Variants in SUPT3H observed in about 807,000 individuals in gnomAD.
SUPT3H encodes the protein transcription initiation protein SPT3 homolog.
SUPT3H carries 44 observed loss-of-function variants against 44.3 expected under a neutral mutation model. The ratio of observed to expected loss-of-function variants is 0.99; its 90% CI spans 0.78 to 1.28. The LOEUF (loss-of-function observed/expected upper bound fraction) is 1.28, where lower values mean the gene tolerates loss of function less well. SUPT3H is among the 50% of genes most tolerant of loss of function. The pLI is 0.00. For synonymous variants in SUPT3H, 124 were observed against 125.6 expected, an observed-to-expected ratio of 0.99 and a Z score of 0.09; for missense variants, 380 against 387.1, an observed-to-expected ratio of 0.98 and a Z score of 0.15.
At chr6:45,198,184 G>C (rs1267758028) in intron 2 of SUPT3H, among the ~76,000 whole-genome samples, 1 of 150,354 alleles carries the variant, frequency 6.7e-6, no homozygotes, top group Non-Finnish European at 1.5e-5. Context: ...AGCCAGGCAG[G>C]AACAAAAAAA....
intron 3 of SUPT3H, among the ~76,000 whole-genome samples, chr6:45,082,777 A>G (rs1434909364): frequency 1.3e-5 from 2 of 152,226 alleles, no homozygotes; most frequent in African/African-American, 4.8e-5. Flanking sequence ...TAACCAGAGC[A>G]ATCAGGCAGG....
chr6:45,088,732 C>T (rs1796780296), intron 3 of SUPT3H, among the ~76,000 whole-genome samples: 2 of 151,860 alleles, frequency 1.3e-5, no homozygotes, highest in South Asian at 2.1e-4. Flanking sequence ...TGAGAATATA[C>T]CAAGTTAGTA....
At chr6:45,175,326 G>C (rs1054825249) in intron 2 of SUPT3H, among the ~76,000 whole-genome samples, 1 of 152,138 alleles carries the variant, frequency 6.6e-6, no homozygotes, top group Non-Finnish European at 1.5e-5. Context: ...AGCATGGCTG[G>C]GGAGGCCGCA....
intron 6 of SUPT3H, among the ~76,000 whole-genome samples, chr6:44,963,114 A>T (rs1776276086): frequency 6.6e-6 from 1 of 151,682 alleles, no homozygotes; most frequent in Admixed American, 6.6e-5. Context: ...ATATGTACAC[A>T]TATACACATA....
intron 2 of SUPT3H, among the ~76,000 whole-genome samples, chr6:45,259,242 T>A (rs572831024): frequency 1.3e-5 from 2 of 152,234 alleles, no homozygotes; most frequent in Admixed American, 1.3e-4. Flanking sequence ...ATTTCATTTT[T>A]AAAAAATTCT....
At chr6:44,881,918 C>T (rs1247483045) in intron 10 of SUPT3H, among the ~76,000 whole-genome samples, 1 of 152,088 alleles carries the variant, frequency 6.6e-6, no homozygotes, top group Non-Finnish European at 1.5e-5. Context: ...CACTAAAATG[C>T]CCACAGGAGA....
intron 10 of SUPT3H, among the ~76,000 whole-genome samples, chr6:44,896,707 A>G (rs1764179815): frequency 6.6e-6 from 1 of 152,144 alleles, no homozygotes; most frequent in Non-Finnish European, 1.5e-5. Context: ...TAATTTTCAT[A>G]TATTTCACTT....
chr6:45,048,349 C>T (rs1037430269), intron 3 of SUPT3H, among the ~76,000 whole-genome samples: 3 of 150,416 alleles, frequency 2.0e-5, no homozygotes, highest in Non-Finnish European at 4.4e-5. Flanking sequence ...AGATCAATGT[C>T]ATGGAGCTTT....
chr6:45,338,734 C>T (rs967588), intron 2 of SUPT3H, among the ~76,000 whole-genome samples: 23,344 of 152,016 alleles, frequency 0.15, 2,034 homozygotes, highest in East Asian at 0.26. Flanking sequence ...TATAAAACAT[C>T]CAAGTATGCA....
At chr6:44,889,875 C>CT (rs1554149904) in intron 10 of SUPT3H, among the ~76,000 whole-genome samples, 1 of 151,936 alleles carries the variant, frequency 6.6e-6, no homozygotes, top group Non-Finnish European at 1.5e-5. Flanking sequence ...TGACAAAGGG[C>CT]TAATATCCAG....
intron 10 of SUPT3H, among the ~76,000 whole-genome samples, chr6:44,859,890 A>G (rs1486958965): frequency 6.6e-6 from 1 of 152,166 alleles, no homozygotes; most frequent in East Asian, 1.9e-4. Context: ...CTTATTCTCA[A>G]AGTAATAGGG....
chr6:44,838,954 A>G (rs1770437219), intron 10 of SUPT3H, among the ~76,000 whole-genome samples: 1 of 152,226 alleles, frequency 6.6e-6, no homozygotes, highest in Admixed American at 6.5e-5. Context: ...GACATTTACA[A>G]TAATATGCCT....
intron 2 of SUPT3H, among the ~76,000 whole-genome samples, chr6:45,282,107 C>G (rs1045614125): frequency 1.6e-4 from 25 of 151,990 alleles, no homozygotes; most frequent in African/African-American, 5.6e-4. Flanking sequence ...TCATCAAAGA[C>G]CAAAGGTAGA....
chr6:45,082,561 C>T (rs1357766099), intron 3 of SUPT3H, among the ~76,000 whole-genome samples: 1 of 152,086 alleles, frequency 6.6e-6, no homozygotes, highest in Non-Finnish European at 1.5e-5. Context: ...AGTATCTCAA[C>T]AGACACAGAA....
intron 2 of SUPT3H, among the ~76,000 whole-genome samples, chr6:45,131,484 T>C (rs1803454289): frequency 6.6e-6 from 1 of 152,180 alleles, no homozygotes. Flanking sequence ...TATGTTTATT[T>C]CCAAGCCTAT....
At chr6:45,253,774 C>G (rs1772790437) in intron 2 of SUPT3H, among the ~76,000 whole-genome samples, 1 of 148,594 alleles carries the variant, frequency 6.7e-6, no homozygotes, top group Admixed American at 6.8e-5. Context: ...GGCAACAGAC[C>G]AAGACCCTGT....
intron 10 of SUPT3H, among the ~76,000 whole-genome samples, chr6:44,844,277 C>G (rs2153417554): frequency 6.6e-6 from 1 of 152,178 alleles, no homozygotes; most frequent in African/African-American, 2.4e-5. Context: ...CACAAGTAAC[C>G]ATAAAAATTC....
At chr6:45,176,356 G>C (rs1028142144) in intron 2 of SUPT3H, among the ~76,000 whole-genome samples, 4 of 151,934 alleles carry the variant, frequency 2.6e-5, no homozygotes, top group Non-Finnish European at 5.9e-5. Flanking sequence ...CGAATATTGC[G>C]CTTTTCAGAC....
At chr6:45,177,136 A>C (rs1433984104) in intron 2 of SUPT3H, among the ~76,000 whole-genome samples, 1 of 152,218 alleles carries the variant, frequency 6.6e-6, no homozygotes, top group Non-Finnish European at 1.5e-5. Context: ...ACGGGCGGAC[A>C]TTCAAACCAA....
Sources: allele counts gnomAD v4.1 joint callset (sites outside exome capture counted in the v4.1 genomes callset), GRCh38; gene constraint gnomAD v4.1.1; transcripts MANE v1.5; gene names NCBI Gene and HGNC (gene_info 2026-07-23, HGNC 2026-07-21).